Variants in GABRG3 observed in about 807,000 individuals in gnomAD.
GABRG3 encodes the protein gamma-aminobutyric acid receptor subunit gamma-3.
A neutral mutation model predicts 48.8 loss-of-function variants in GABRG3; 25 were observed. The observed-to-expected ratio is 0.51, with a 90% CI of 0.37 to 0.72. The LOEUF (loss-of-function observed/expected upper bound fraction) is 0.72, where lower values mean the gene tolerates loss of function less well. GABRG3 is among the 30% of genes least tolerant of loss of function. GABRG3 has a pLI of 0.00. For synonymous variants in GABRG3, 227 were observed against 217.6 expected (o/e 1.04, Z -0.38); for missense variants, 394 against 577.9 (o/e 0.68, Z 3.26).
intron 3 of GABRG3, among the ~76,000 whole-genome samples, chr15:27,220,657 G>C (rs1456295219): frequency 6.6e-6 from 1 of 152,270 alleles, no homozygotes; most frequent in East Asian, 1.9e-4. Context: ...GTTCTATAGA[G>C]TCCCTAGAAC....
At chr15:27,324,695 T>A (rs938004156) in intron 3 of GABRG3, among the ~76,000 whole-genome samples, 3 of 152,202 alleles carry the variant, frequency 2.0e-5, no homozygotes, top group African/African-American at 7.2e-5. Flanking sequence ...CCGAGCCAAC[T>A]TTCTACCTGA....
intron 5 of GABRG3, among the ~76,000 whole-genome samples, chr15:27,479,535 T>C (rs1890044956): frequency 1.3e-5 from 2 of 152,216 alleles, no homozygotes; most frequent in Admixed American, 1.3e-4. Context: ...GCAGATTGCC[T>C]CTAAGAATTT....
At chr15:27,349,393 G>C (rs1894481541) in intron 5 of GABRG3, among the ~76,000 whole-genome samples, 4 of 152,184 alleles carry the variant, frequency 2.6e-5, no homozygotes. Flanking sequence ...ACAAGGGGAA[G>C]TGATGTCTGC....
intron 3 of GABRG3, among the ~76,000 whole-genome samples, chr15:27,178,593 C>T (rs1887821197): frequency 6.6e-6 from 1 of 152,138 alleles, no homozygotes; most frequent in Non-Finnish European, 1.5e-5. Context: ...CATGTATATA[C>T]AATAACCTTC....
intron 3 of GABRG3, among the ~76,000 whole-genome samples, chr15:27,101,774 A>G (rs1177193945): frequency 6.6e-6 from 1 of 150,950 alleles, no homozygotes; most frequent in Non-Finnish European, 1.5e-5. Flanking sequence ...TCCCTGGGCC[A>G]CACTGGAAGA....
At chr15:27,317,093 C>G (rs544167996) in intron 3 of GABRG3, among the ~76,000 whole-genome samples, 21 of 152,202 alleles carry the variant, frequency 1.4e-4, no homozygotes, top group African/African-American at 5.1e-4. Context: ...TTTGGACCCC[C>G]TCACCATCTT....
At chr15:27,232,635 C>T (rs1668170638) in intron 3 of GABRG3, among the ~76,000 whole-genome samples, 1 of 152,160 alleles carries the variant, frequency 6.6e-6, no homozygotes, top group South Asian at 2.1e-4. Flanking sequence ...TACAATTCTG[C>T]TTTTAATCAT....
At chr15:27,465,267 G>A (rs1454626695) in intron 5 of GABRG3, among the ~76,000 whole-genome samples, 1 of 152,214 alleles carries the variant, frequency 6.6e-6, no homozygotes, top group Non-Finnish European at 1.5e-5. Flanking sequence ...AGAGAGTAAT[G>A]TGTAAGCATG....
intron 5 of GABRG3, among the ~76,000 whole-genome samples, chr15:27,445,291 T>C (rs758482792): frequency 3.3e-5 from 5 of 152,230 alleles, no homozygotes; most frequent in South Asian, 4.1e-4. Flanking sequence ...TCTTCCAAAG[T>C]AGCTATATGA....
At chr15:27,107,635 G>A (rs968355805) in intron 3 of GABRG3, among the ~76,000 whole-genome samples, 2 of 151,882 alleles carry the variant, frequency 1.3e-5, no homozygotes, top group African/African-American at 4.8e-5. Flanking sequence ...CCTAATAGAT[G>A]TTTGATAGAA....
chr15:27,080,598 G>T (rs866732153), intron 3 of GABRG3, among the ~76,000 whole-genome samples: 18 of 152,306 alleles, frequency 1.2e-4, no homozygotes, highest in African/African-American at 3.1e-4. Flanking sequence ...GGGCAACACA[G>T]CGAGACCTTG....
At chr15:27,268,451 A>G (rs1038255827) in intron 3 of GABRG3, among the ~76,000 whole-genome samples, 3 of 152,076 alleles carry the variant, frequency 2.0e-5, no homozygotes, top group African/African-American at 7.2e-5. Flanking sequence ...AGATTTGTCA[A>G]TTTTATTAAT....
chr15:27,275,474 C>T (rs1484449540), intron 3 of GABRG3, among the ~76,000 whole-genome samples: 1 of 152,148 alleles, frequency 6.6e-6, no homozygotes, highest in Non-Finnish European at 1.5e-5. Context: ...CCTACTCAGT[C>T]AGGACCTATG....
rs57030355 is a variant in GABRG3 at position 27,216,778 on chromosome 15, ATT to A, written c.271-110021_271-110020del. ...TATTTATTTATTTATTTATTTTTTA[ATT>A]TTTTTTTTTATTATACTCTAAGTTT... On this transcript the variant is annotated intron_variant, in intron 3 of 9. Transcript: ENST00000615808. Among the ~76,000 whole-genome samples, 672 of 119,524 alleles carry A rather than the reference ATT, an allele frequency of 5.6e-3. 5 individuals are homozygous for A. Among genetic ancestry groups the A allele is most frequent in the Middle Eastern group, 0.017 (4 of 242 alleles). 78.4% of individuals were successfully genotyped at this position (119,524 alleles called of 152,430 possible).
intron 3 of GABRG3, among the ~76,000 whole-genome samples, chr15:27,288,220 C>G (rs1013638256): frequency 2.6e-5 from 4 of 151,974 alleles, no homozygotes; most frequent in Non-Finnish European, 5.9e-5. Context: ...ACCAGGAACC[C>G]ATTTTGTGGA....
intron 5 of GABRG3, among the ~76,000 whole-genome samples, chr15:27,448,541 T>G (rs1002766391): frequency 3.9e-5 from 6 of 152,240 alleles, no homozygotes; most frequent in African/African-American, 1.4e-4. Flanking sequence ...TAAAGAAACT[T>G]GATTCAAATC....
intron 3 of GABRG3, among the ~76,000 whole-genome samples, chr15:27,146,721 G>A (rs900096292): frequency 2.0e-5 from 3 of 152,016 alleles, no homozygotes; most frequent in African/African-American, 7.2e-5. Flanking sequence ...GGTTATGCGA[G>A]CTAGCTTATT....
intron 5 of GABRG3, among the ~76,000 whole-genome samples, chr15:27,476,678 C>T (rs571896920): frequency 9.9e-5 from 15 of 152,176 alleles, no homozygotes; most frequent in African/African-American, 3.4e-4. Flanking sequence ...AATGAATATA[C>T]CTGTGGCACA....
chr15:27,255,897 C>CG (rs111558078), intron 3 of GABRG3, among the ~76,000 whole-genome samples: 5,575 of 151,614 alleles, frequency 0.037, 291 homozygotes, highest in African/African-American at 0.12. Context: ...TGTTTAGTGA[C>CG]TTTTTACCCA....
Sources: allele counts gnomAD v4.1 joint callset (sites outside exome capture counted in the v4.1 genomes callset), GRCh38; gene constraint gnomAD v4.1.1; transcripts MANE v1.5; gene names NCBI Gene and HGNC (gene_info 2026-07-23, HGNC 2026-07-21).